Variants in PPP2R2C observed in about 807,000 individuals in gnomAD.
PPP2R2C encodes protein phosphatase 2 regulatory subunit Bgamma.
A neutral mutation model predicts 45.3 loss-of-function variants in PPP2R2C; 10 were observed. The ratio of observed to expected loss-of-function variants is 0.22; its 90% confidence interval spans 0.14 to 0.37. The LOEUF (loss-of-function observed/expected upper bound fraction) is 0.37. PPP2R2C is among the 10% of genes least tolerant of loss of function. The pLI is 1.00. For synonymous variants in PPP2R2C, 257 were observed against 245.4 expected (o/e 1.05, Z -0.44); for missense variants, 308 against 619.7 (o/e 0.50, Z 5.34).
intron 1 of PPP2R2C, among the ~76,000 whole-genome samples, chr4:6,466,531 T>C (rs1721603392): frequency 6.6e-6 from 1 of 151,960 alleles, no homozygotes; most frequent in Non-Finnish European, 1.5e-5. Context: ...AAAACAGACA[T>C]GGGCATTAAA....
intron 5 of PPP2R2C, chr4:6,348,550 G>A (rs186093430): frequency 5.1e-4 from 394 of 766,586 alleles, no homozygotes; most frequent in Non-Finnish European, 5.9e-4. Flanking sequence ...TCTGACCACA[G>A]TATGGAGATT....
At chr4:6,404,564 G>A (rs931843182) in intron 1 of PPP2R2C, among the ~76,000 whole-genome samples, 26 of 152,282 alleles carry the variant, frequency 1.7e-4, no homozygotes, top group African/African-American at 4.8e-4. Context: ...TTGGAGGGAC[G>A]GCCCTAAGTT....
chr4:6,323,221 C>T lies in PPP2R2C; in HGVS notation c.*81G>A. On this transcript the variant is annotated 3_prime_UTR_variant, in exon 9 of 9. Transcript: ENST00000382599. ...TCATCAGTGCTGTGACTTTCTTCCC[C>T]TCCTTGCATTGCGGTCGTGAAGGTC... 3 of 1,485,930 alleles carry T rather than the reference C, an allele frequency of 2.0e-6. No homozygotes were observed. In the South Asian group the frequency reaches 4.0e-5, roughly 20 times the overall value. 92.0% of individuals were successfully genotyped at this position (1,485,930 alleles called of 1,614,324 possible).
intron 5 of PPP2R2C, among the ~76,000 whole-genome samples, chr4:6,365,678 C>A (rs1198313279): frequency 6.6e-6 from 1 of 152,180 alleles, no homozygotes; most frequent in Non-Finnish European, 1.5e-5. Context: ...TTCAGGCAGG[C>A]ATGGGCTGAT....
intron 1 of PPP2R2C, among the ~76,000 whole-genome samples, chr4:6,551,358 G>A (rs187295257): frequency 2.0e-5 from 3 of 152,320 alleles, no homozygotes; most frequent in East Asian, 1.9e-4. Context: ...GAACAAACAC[G>A]TGGCATGGAG....
At chr4:6,440,586 C>T (rs1021861960) in intron 1 of PPP2R2C, among the ~76,000 whole-genome samples, 9 of 152,228 alleles carry the variant, frequency 5.9e-5, no homozygotes, top group African/African-American at 2.2e-4. Context: ...TCTCTGGACC[C>T]AACCAATTGG....
chr4:6,511,825 GTGGTGGTGGTGA>G (rs1723558917), intron 2 of PPP2R2C, among the ~76,000 whole-genome samples: 1 of 39,770 alleles, frequency 2.5e-5, no homozygotes. Flanking sequence ...GGTGATGGTG[GTGGTGGTGGTGA>G]TGGTGGTGGT....
intron 2 of PPP2R2C, among the ~76,000 whole-genome samples, chr4:6,524,061 C>G (rs1457148757): frequency 6.6e-6 from 1 of 151,750 alleles, no homozygotes; most frequent in African/African-American, 2.4e-5. Flanking sequence ...TTACAGGTGC[C>G]TGCCACCAGG....
Position 6,563,500 on chromosome 4 carries a change from G to A in PPP2R2C, c.-59+60C>T, listed in dbSNP as rs1423696568. The A allele has an allele frequency of 6.5e-6, 1 of 152,920 alleles. No homozygotes were observed. The highest frequency in any genetic ancestry group is 6.5e-5 in the Admixed American group (1 of 15,278). 9.5% of individuals were successfully genotyped at this position (152,920 alleles called of 1,614,324 possible). On this transcript the variant is annotated intron_variant, in intron 1 of 9. Transcript: ENST00000506140. The surrounding 1 kb of genome is among the most constrained non-coding windows in gnomAD (Gnocchi z 5.8). ...GGTCCTGCGGGGCTGGGGGTGAGGC[G>A]GGGTGGGCGCGAGGCGGCTCCGGAG...
intron 2 of PPP2R2C, among the ~76,000 whole-genome samples, chr4:6,518,417 G>A (rs1384119224): frequency 6.6e-6 from 1 of 152,008 alleles, no homozygotes; most frequent in East Asian, 1.9e-4. Context: ...GGCTAACAAG[G>A]AAAAAGGAGA....
chr4:6,483,200 TGA>T (rs1722423749), intron 2 of PPP2R2C, among the ~76,000 whole-genome samples: 1 of 152,200 alleles, frequency 6.6e-6, no homozygotes, highest in Non-Finnish European at 1.5e-5. Context: ...CTAATATCTT[TGA>T]GTTTTGCACC....
intron 1 of PPP2R2C, among the ~76,000 whole-genome samples, chr4:6,409,625 G>C (rs944195887): frequency 4.6e-5 from 7 of 152,196 alleles, no homozygotes; most frequent in African/African-American, 1.4e-4. Flanking sequence ...AGTAGCAAGA[G>C]GGAGGCACAG....
At chr4:6,447,595 TA>T (rs1186919670) in intron 1 of PPP2R2C, among the ~76,000 whole-genome samples, 1 of 144,656 alleles carries the variant, frequency 6.9e-6, no homozygotes, top group Non-Finnish European at 1.5e-5. Flanking sequence ...CCCCCTGCTT[TA>T]GGGGGGTTGC....
At chr4:6,493,515 T>G (rs1219419809) in intron 2 of PPP2R2C, among the ~76,000 whole-genome samples, 1 of 151,380 alleles carries the variant, frequency 6.6e-6, no homozygotes, top group Admixed American at 6.6e-5. Flanking sequence ...GCACAATGCA[T>G]CCTGCCCATC....
chr4:6,506,751 T>C (rs897424822), intron 2 of PPP2R2C, among the ~76,000 whole-genome samples: 3 of 152,218 alleles, frequency 2.0e-5, no homozygotes, highest in East Asian at 3.8e-4. Flanking sequence ...CCTCATGAAG[T>C]TGCAGACAGC....
chr4:6,428,435 A>C (rs1179360519), intron 1 of PPP2R2C, among the ~76,000 whole-genome samples: 1 of 152,244 alleles, frequency 6.6e-6, no homozygotes, highest in Admixed American at 6.5e-5. Context: ...CTGGTCCACC[A>C]GCCTTTAGGC....
chr4:6,464,753 C>T (rs1337251889), intron 1 of PPP2R2C, among the ~76,000 whole-genome samples: 4 of 152,084 alleles, frequency 2.6e-5, no homozygotes, highest in Non-Finnish European at 5.9e-5. Context: ...TGAAATAGCA[C>T]GTGTGGAATT....
chr4:6,329,091 G>C lies in PPP2R2C; in HGVS notation c.1052+171C>G, dbSNP rs539702300. Among the ~76,000 whole-genome samples, 81 of 152,334 alleles carry C rather than the reference G, an allele frequency of 5.3e-4. No homozygotes were observed. Among genetic ancestry groups the C allele is most frequent in the African/African-American group, 1.8e-3 (75 of 41,590 alleles). On this transcript the variant is annotated intron_variant, in intron 8 of 8. Transcript: ENST00000382599. The surrounding 1 kb of genome is among the most constrained non-coding windows in gnomAD (Gnocchi z 5.8). ...ATTTCATGTCCTGCCCCTTGAATCT[G>C]AGCGCTGAGAGTTGGACCTGCTCTG...
At chr4:6,492,244 C>T (rs1288450144) in intron 2 of PPP2R2C, among the ~76,000 whole-genome samples, 5 of 152,200 alleles carry the variant, frequency 3.3e-5, no homozygotes, top group Admixed American at 3.3e-4. Flanking sequence ...CCCACAGTGC[C>T]TTGGCCAGAG....
Sources: gnomAD v4.1 joint callset for allele counts (sites outside exome capture counted in the v4.1 genomes callset) on GRCh38, gnomAD v4.1.1 for gene constraint, Gnocchi (gnomAD v3.1) non-coding constraint, MANE v1.5 for transcripts, NCBI Gene and HGNC (gene_info 2026-07-23, HGNC 2026-07-21) for gene names.